The following MBNL1 variants were observed in gnomAD, a reference collection of about 807,000 sequenced individuals.
MBNL1 encodes muscleblind like splicing regulator 1.
Under a neutral mutation model 42.2 loss-of-function variants are expected in MBNL1, and 8 were observed. The observed-to-expected ratio is 0.19, with a 90% confidence interval of 0.11 to 0.34. The LOEUF is 0.34. Among genes scored for constraint, MBNL1 ranks in the 10% least tolerant of loss-of-function variants. The pLI is 1.00. For missense variants in MBNL1, 309 were observed against 495.3 expected (o/e 0.62, Z 3.57); for synonymous variants, 169 against 173.9 (o/e 0.97, Z 0.22).
chr3:152,458,323 A>G, intron 8 of MBNL1: 1 of 736,824 alleles, frequency 1.4e-6, no homozygotes. Flanking sequence ...CAGACTGTGG[A>G]TTGTAGTATG....
At chr3:152,443,024 G>GT (rs912656706) in intron 4 of MBNL1, among the ~76,000 whole-genome samples, 2 of 151,954 alleles carry the variant, frequency 1.3e-5, no homozygotes, top group African/African-American at 2.4e-5. Flanking sequence ...AGTTGACTAA[G>GT]TTTTTTTTAA....
At chr3:152,443,508 A>ACACACACACACACACACAC (rs61600245) in intron 4 of MBNL1, among the ~76,000 whole-genome samples, 10 of 151,020 alleles carry the variant, frequency 6.6e-5, no homozygotes, top group South Asian at 2.1e-4. Context: ...ACACACACAC[A>ACACACACACACACACACAC]ACTTTTTATC....
chr3:152,456,140 A>G (rs1733360644), intron 7 of MBNL1, 127 bp from the exon 8 acceptor site: 2 of 676,170 alleles, frequency 3.0e-6, no homozygotes. Flanking sequence ...CTCGCTGGTG[A>G]TGATGTCCTG....
intron 4 of MBNL1, among the ~76,000 whole-genome samples, chr3:152,434,360 T>A (rs1051486822): frequency 2.6e-5 from 4 of 152,326 alleles, no homozygotes; most frequent in African/African-American, 9.6e-5. Flanking sequence ...CAGCTCAATC[T>A]GTGTTGCTGC....
At chr3:152,308,585 T>C (rs1187594541) in intron 2 of MBNL1, among the ~76,000 whole-genome samples, 2 of 152,138 alleles carry the variant, frequency 1.3e-5, no homozygotes, top group African/African-American at 4.8e-5. Flanking sequence ...GTCGTCAATA[T>C]GTCTTCCAAG....
intron 2 of MBNL1, among the ~76,000 whole-genome samples, chr3:152,319,386 G>A (rs2074707035): frequency 1.3e-5 from 2 of 152,074 alleles, no homozygotes; most frequent in African/African-American, 4.8e-5. Flanking sequence ...CCAAGGAGTG[G>A]TGAGGTTAGG....
At chr3:152,392,854 C>G (rs928873366) in intron 2 of MBNL1, among the ~76,000 whole-genome samples, 1 of 152,162 alleles carries the variant, frequency 6.6e-6, no homozygotes, top group Non-Finnish European at 1.5e-5. Flanking sequence ...AAAAATATTC[C>G]TGAGAAGTAT....
intron 2 of MBNL1, chr3:152,334,983 T>A: frequency 1.3e-6 from 1 of 775,416 alleles, no homozygotes; most frequent in South Asian, 1.9e-5. Context: ...TAAGAATGCT[T>A]TGGCTAGCAT....
At chr3:152,356,594 C>G (rs1416771875) in intron 2 of MBNL1, among the ~76,000 whole-genome samples, 1 of 152,106 alleles carries the variant, frequency 6.6e-6, no homozygotes, top group African/African-American at 2.4e-5. Flanking sequence ...CTCAGTCTCC[C>G]TAGTAGCTGG....
At chr3:152,358,173 T>G (rs2095663190) in intron 2 of MBNL1, among the ~76,000 whole-genome samples, 1 of 152,184 alleles carries the variant, frequency 6.6e-6, no homozygotes, top group Non-Finnish European at 1.5e-5. Flanking sequence ...GAGCGAAATG[T>G]GTATAAAGAG....
At chr3:152,390,614 C>CACACACACAG (rs1491410951) in intron 2 of MBNL1, among the ~76,000 whole-genome samples, 1 of 12,438 alleles carries the variant, frequency 8.0e-5, no homozygotes, top group Non-Finnish European at 1.4e-4. Context: ...TATTGTTATG[C>CACACACACAG]ACACACACAC....
At chr3:152,385,906 T>C (rs2097395329) in intron 2 of MBNL1, among the ~76,000 whole-genome samples, 1 of 152,068 alleles carries the variant, frequency 6.6e-6, no homozygotes. Flanking sequence ...TGGCTGGTTA[T>C]GGTCATCTGG....
chr3:152,297,721 A>G (rs1340288936), intron 1 of MBNL1, among the ~76,000 whole-genome samples: 1 of 151,966 alleles, frequency 6.6e-6, no homozygotes, highest in African/African-American at 2.4e-5. Context: ...CAGTGGTGCA[A>G]TCTCAGCTCA....
chr3:152,417,670 T>C (rs1016325600), intron 3 of MBNL1, among the ~76,000 whole-genome samples: 2 of 151,818 alleles, frequency 1.3e-5, no homozygotes, highest in African/African-American at 4.8e-5. Flanking sequence ...ACTTGATGAG[T>C]GAAAGAACAA....
At chr3:152,446,432 C>T (rs148427665) in intron 5 of MBNL1, among the ~76,000 whole-genome samples, 1 of 149,076 alleles carries the variant, frequency 6.7e-6, no homozygotes, top group Middle Eastern at 3.2e-3. Flanking sequence ...TCCTTTCACT[C>T]TTTTTTTTTT....
intron 2 of MBNL1, among the ~76,000 whole-genome samples, chr3:152,249,185 A>G (rs1313981899): frequency 4.1e-5 from 5 of 121,340 alleles, no homozygotes; most frequent in Admixed American, 3.5e-4. Context: ...TCCCTGAGGA[A>G]TCGCCACACT....
chr3:152,288,444 C>T (rs997733434), intron 1 of MBNL1, among the ~76,000 whole-genome samples: 1 of 152,120 alleles, frequency 6.6e-6, no homozygotes, highest in African/African-American at 2.4e-5. Flanking sequence ...TTCCAGAGTT[C>T]TCTTGTACCT....
At chr3:152,390,616 C>CACACACACAG (rs1312066291) in intron 2 of MBNL1, among the ~76,000 whole-genome samples, 1 of 123,796 alleles carries the variant, frequency 8.1e-6, no homozygotes, top group Non-Finnish European at 1.9e-5. Flanking sequence ...TTGTTATGCA[C>CACACACACAG]ACACACACAC....
upstream of MBNL1, chr3:152,265,694 A>G (rs2037118449): frequency 6.6e-6 from 1 of 152,164 alleles, no homozygotes; most frequent in Non-Finnish European, 1.5e-5. Flanking sequence ...ATGGACTGAA[A>G]TATTTCAGGA....
Sources: allele counts gnomAD v4.1 joint callset (sites outside exome capture counted in the v4.1 genomes callset), GRCh38; gene constraint gnomAD v4.1.1; transcripts MANE v1.5; gene names NCBI Gene and HGNC (gene_info 2026-07-23, HGNC 2026-07-21).